The following ITCH variants were observed in gnomAD, a reference collection of about 807,000 sequenced individuals.
ITCH encodes the protein itchy E3 ubiquitin protein ligase.
ITCH carries 28 observed loss-of-function variants against 126.8 expected under a neutral mutation model. That is an observed-to-expected ratio of 0.22 (90% CI 0.16 to 0.30). The LOEUF (loss-of-function observed/expected upper bound fraction) is 0.30, where lower values mean the gene tolerates loss of function less well. Among genes scored for constraint, ITCH ranks in the 10% least tolerant of loss-of-function variants. The pLI, the probability that ITCH is intolerant of heterozygous loss-of-function variation, is 1.00. For missense variants in ITCH, 631 were observed against 1,032.4 expected, an observed-to-expected ratio of 0.61 and a Z score of 5.33; for synonymous variants, 342 against 340.0, an observed-to-expected ratio of 1.01 and a Z score of -0.06.
At chr20:34,441,755 T>C (rs541875445) in intron 9 of ITCH, 2 of 208,254 alleles carry the variant, frequency 9.6e-6, no homozygotes, top group South Asian at 1.6e-4. Flanking sequence ...CCAGCTAATT[T>C]TTGAATTTTC....
intron 2 of ITCH, among the ~76,000 whole-genome samples, chr20:34,371,167 C>CA (rs1213462396): frequency 0.078 from 4,528 of 57,772 alleles, 138 homozygotes; most frequent in Non-Finnish European, 0.1. Context: ...GACTCCGTCT[C>CA]AAAAAAAAAA....
At chr20:34,458,930 A>C (rs558227841) in intron 13 of ITCH, among the ~76,000 whole-genome samples, 4 of 152,254 alleles carry the variant, frequency 2.6e-5, no homozygotes, top group South Asian at 4.2e-4. Context: ...ACACAGTTCA[A>C]CCCATAACAG....
intron 12 of ITCH, among the ~76,000 whole-genome samples, chr20:34,455,041 G>A (rs1489306073): frequency 2.0e-5 from 3 of 151,646 alleles, no homozygotes; most frequent in East Asian, 3.9e-4. Context: ...TGTTGGCCAC[G>A]CTGGTCTCAA....
In ITCH at chr20:34,489,911, CAT is replaced by C; in HGVS notation, c.2305_2306del (p.Met769ValfsTer7). Reference sequence around the variant, plus strand: ...ATTATGCAAGGACCAGCAAACAAATCATGTGGTTTTGGCAGGTTTGTTTTTAA... The same window carrying C: ...ATTATGCAAGGACCAGCAAACAAATCGTGGTTTTGGCAGGTTTGTTTTTAA... ...RHYARTSKQI[M>X]WFWQFVKEID... On this transcript the variant is annotated frameshift_variant, in exon 22 of 25. Coordinates refer to ENST00000374864, the MANE Select transcript of ITCH (RefSeq NM_031483.7). LOFTEE classifies it high-confidence loss of function. 6.2e-7 allele frequency: 1 copy of C among 1,613,502 alleles called. No individual in the cohort carries two copies. The highest frequency in any genetic ancestry group is 8.5e-7 in the Non-Finnish European group (1 of 1,179,560).
intron 2 of ITCH, among the ~76,000 whole-genome samples, chr20:34,382,728 CTATTATTATTATTAT>C (rs374784508): frequency 1.2e-3 from 168 of 139,926 alleles, no homozygotes; most frequent in African/African-American, 4.2e-3. Flanking sequence ...TTTATTATTA[CTATTATTATTATTAT>C]TATTATTATT....
chr20:34,393,024 T>A (rs1272996919), intron 2 of ITCH, among the ~76,000 whole-genome samples: 2 of 152,206 alleles, frequency 1.3e-5, no homozygotes, highest in Non-Finnish European at 2.9e-5. Flanking sequence ...TTTATAATCA[T>A]CTGTACCCCA....
At chr20:34,454,981 C>T (rs1042730417) in intron 12 of ITCH, among the ~76,000 whole-genome samples, 1 of 151,868 alleles carries the variant, frequency 6.6e-6, no homozygotes, top group African/African-American at 2.4e-5. Context: ...AGATGCCCAC[C>T]ACCATGCCCA....
chr20:34,489,155 T>C (rs1310321915), intron 20 of ITCH, 111 bp from the exon 21 acceptor site: 11 of 891,984 alleles, frequency 1.2e-5, no homozygotes, highest in Non-Finnish European at 1.9e-5. Context: ...TTATGTTCTA[T>C]TTTTGAATAT....
intron 16 of ITCH, among the ~76,000 whole-genome samples, chr20:34,472,391 A>C (rs866092295): frequency 1.0e-5 from 1 of 99,728 alleles, no homozygotes; most frequent in South Asian, 3.3e-4. Context: ...AAAAAAAAAA[A>C]AAAAAACTTG....
chr20:34,425,169 C>G (rs1440308145), intron 7 of ITCH, among the ~76,000 whole-genome samples: 2 of 152,200 alleles, frequency 1.3e-5, no homozygotes, highest in Non-Finnish European at 2.9e-5. Flanking sequence ...TGTATTGATT[C>G]AAGGTTTAAT....
chr20:34,387,076 G>A (rs1316614075), intron 2 of ITCH, among the ~76,000 whole-genome samples: 1 of 152,022 alleles, frequency 6.6e-6, no homozygotes, highest in Non-Finnish European at 1.5e-5. Context: ...GCCGAGGCGG[G>A]CAGATCACCT....
At chr20:34,383,804 C>T (rs2038159533) in intron 2 of ITCH, among the ~76,000 whole-genome samples, 1 of 149,460 alleles carries the variant, frequency 6.7e-6, no homozygotes, top group South Asian at 2.1e-4. Flanking sequence ...ACCAGGATTA[C>T]AGGCATGAGC....
At chr20:34,373,039 A>G (rs926806951) in intron 2 of ITCH, among the ~76,000 whole-genome samples, 5 of 150,942 alleles carry the variant, frequency 3.3e-5, no homozygotes, top group African/African-American at 1.2e-4. Flanking sequence ...CAATGGTGCA[A>G]TCTCAGCTTA....
In ITCH at chr20:34,402,277, G is replaced by A. The variant is rs6120636; in HGVS notation, c.71-6374G>A. ...CACTCCACGTACTTGACAGTCTTCAGGTCATGGGCCAGCTTATTCAGCAGT... is the reference window on the plus strand; with the variant it reads ...CACTCCACGTACTTGACAGTCTTCAAGTCATGGGCCAGCTTATTCAGCAGT... On this transcript the variant is annotated intron_variant, in intron 3 of 24. Coordinates refer to ENST00000374864, the MANE Select transcript of ITCH (RefSeq NM_031483.7). 1.1e-5 allele frequency: 13 copies of A among 1,232,836 alleles called. 1 individual carries two copies. In the South Asian group the frequency reaches 1.4e-4, roughly 14 times the overall value. 76.4% of individuals were successfully genotyped at this position (1,232,836 alleles called of 1,614,324 possible). A position where few individuals can be genotyped will look rare whatever the true frequency, so the allele number is the denominator to read the frequency against.
chr20:34,379,566 G>A (rs1022612813), intron 2 of ITCH, among the ~76,000 whole-genome samples: 5 of 149,620 alleles, frequency 3.3e-5, no homozygotes, highest in Admixed American at 2.7e-4. Context: ...GCACCTCATC[G>A]TAAAAGTGGA....
At chr20:34,490,738 T>C (rs1989451669) in intron 22 of ITCH, among the ~76,000 whole-genome samples, 1 of 152,192 alleles carries the variant, frequency 6.6e-6, no homozygotes, top group Non-Finnish European at 1.5e-5. Context: ...TTGCTGGTGA[T>C]AGTGTGAAAT....
chr20:34,447,389 A>G (rs919022078), intron 11 of ITCH, among the ~76,000 whole-genome samples: 3 of 152,204 alleles, frequency 2.0e-5, no homozygotes, highest in Non-Finnish European at 4.4e-5. Flanking sequence ...CATTTACTTT[A>G]AAAATGATGG....
At position 34,471,084 on chromosome 20, in the gene ITCH, A is replaced by T. The variant is rs117409315; in HGVS notation, c.1498-360A>T. Among the ~76,000 whole-genome samples the T allele has an allele frequency of 1.9e-3, 284 of 152,296 alleles. 5 individuals carry two copies. The East Asian group carries it at 0.048, about 26-fold the overall frequency. ...TAAATCAAATGAATGCCCTAGTCAA[A>T]GTTACTGTGATGAATATTTTTACAC... On this transcript the variant is annotated intron_variant, in intron 15 of 24. Coordinates refer to ENST00000374864, the MANE Select transcript of ITCH (RefSeq NM_031483.7).
intron 24 of ITCH, 144 bp downstream of exon 24, chr20:34,504,547 G>A (rs1193418379): frequency 1.0e-5 from 7 of 679,300 alleles, no homozygotes; most frequent in East Asian, 5.5e-5. Flanking sequence ...AGAGCATTTT[G>A]TTCACCCCTG....
Sources: gnomAD v4.1 joint callset for allele counts (sites outside exome capture counted in the v4.1 genomes callset) on GRCh38, gnomAD v4.1.1 for gene constraint, MANE v1.5 for transcripts, NCBI Gene and HGNC (gene_info 2026-07-23, HGNC 2026-07-21) for gene names.